Variants in SYNE2 observed in about 807,000 individuals in gnomAD.
SYNE2 encodes spectrin repeat containing nuclear envelope protein 2, also known as nesprin-2.
In SYNE2, 431 loss-of-function variants were observed where a neutral mutation model predicts 856.3. The observed-to-expected ratio is 0.50, with a 90% CI of 0.47 to 0.55. SYNE2 has a LOEUF of 0.55. Among genes scored for constraint, SYNE2 ranks in the 20% least tolerant of loss-of-function variants. The probability of loss-of-function intolerance (pLI) is 0.00; values close to 1 mark genes in which losing one functional copy is unlikely to be tolerated. For synonymous variants in SYNE2, 2,923 were observed against 2,872.3 expected (o/e 1.02, Z -0.56); for missense variants, 8,129 against 8,023.2 (o/e 1.01, Z -0.50).
intron 1 of SYNE2, among the ~76,000 whole-genome samples, chr14:63,863,258 T>C (rs375941710): frequency 2.0e-4 from 30 of 152,226 alleles, no homozygotes; most frequent in African/African-American, 7.2e-4. Context: ...GTGTCTTTTT[T>C]TCAAGGTTCG....
chr14:64,059,396 C>G (rs531491942), intron 49 of SYNE2, among the ~76,000 whole-genome samples: 1 of 152,252 alleles, frequency 6.6e-6, no homozygotes, highest in South Asian at 2.1e-4. Context: ...TACCCCAAGC[C>G]TAATAATGTT....
At chr14:63,953,352 G>A (rs1452486068) in intron 7 of SYNE2, among the ~76,000 whole-genome samples, 2 of 152,188 alleles carry the variant, frequency 1.3e-5, no homozygotes, top group African/African-American at 4.8e-5. Flanking sequence ...CAGTGACTAG[G>A]AGGGTGGCTT....
chr14:63,980,820 AATTAGTTTTATGTGCATG>A, intron 15 of SYNE2, 88 bp downstream of exon 15: 1 of 1,174,684 alleles, frequency 8.5e-7, no homozygotes, highest in Non-Finnish European at 1.2e-6. Context: ...ATGTTTTAGA[AATTAGTTTTATGTGCATG>A]TTTTCCTGGG....
At chr14:64,006,367 TCTC>T (rs59568607) in intron 30 of SYNE2, among the ~76,000 whole-genome samples, 57,772 of 151,670 alleles carry the variant, frequency 0.38, 11,180 homozygotes, top group African/African-American at 0.43. Flanking sequence ...CTTCTCCTCT[TCTC>T]CTATATCATG....
At chr14:63,971,760 C>T (rs2096480803) in intron 11 of SYNE2, among the ~76,000 whole-genome samples, 1 of 152,068 alleles carries the variant, frequency 6.6e-6, no homozygotes, top group Non-Finnish European at 1.5e-5. Context: ...CAATACAGGG[C>T]TGTGAGTGAC....
chr14:64,123,891 C>CTT (rs751630524), intron 70 of SYNE2, among the ~76,000 whole-genome samples: 102 of 140,480 alleles, frequency 7.3e-4, no homozygotes, highest in African/African-American at 2.2e-3. Context: ...CACACACCAC[C>CTT]TTTTTTTTTT....
chr14:63,933,887 A>G (rs2095796915), intron 2 of SYNE2, among the ~76,000 whole-genome samples: 1 of 152,206 alleles, frequency 6.6e-6, no homozygotes, highest in Admixed American at 6.5e-5. Context: ...TTTGAAAAGA[A>G]CAAAAGGTTC....
intron 57 of SYNE2, chr14:64,084,796 T>G: frequency 1.7e-6 from 1 of 584,498 alleles, no homozygotes; most frequent in South Asian, 2.1e-5. Flanking sequence ...TGGGCATGGC[T>G]TAGCTAAGTA....
At chr14:63,849,967 C>G (rs1458744829), upstream of SYNE2, among the ~76,000 whole-genome samples, 1 of 152,038 alleles carries the variant, frequency 6.6e-6, no homozygotes, top group East Asian at 1.9e-4. Context: ...AAAACTTATG[C>G]TTATTGCAAT....
At chr14:63,815,146 ACACATATATATCCATATATATC>A (rs71120291) in intron 1 of SYNE2, among the ~76,000 whole-genome samples, 18,045 of 54,300 alleles carry the variant, frequency 0.33, 3,366 homozygotes, top group South Asian at 0.46. Flanking sequence ...CCATATATAT[ACACATATATATCCATATATATC>A]CACATATATA....
chr14:63,972,762 C>T (rs987962115), intron 11 of SYNE2, among the ~76,000 whole-genome samples: 1 of 152,074 alleles, frequency 6.6e-6, no homozygotes. Context: ...GTGTAGCCCT[C>T]AGTCGGAAAA....
At chr14:63,959,287 C>CTTTTTTTTTTTTTTTTTTTTTTTT (rs34198434) in intron 8 of SYNE2, among the ~76,000 whole-genome samples, 8 of 81,378 alleles carry the variant, frequency 9.8e-5, no homozygotes, top group African/African-American at 1.6e-4. Context: ...TTTTCTTCTT[C>CTTTTTTTTTTTTTTTTTTTTTTTT]TTTTTTTTTT....
At chr14:64,190,568 C>CTGTGGGG in intron 99 of SYNE2, 1 of 700,362 alleles carries the variant, frequency 1.4e-6, no homozygotes, top group Non-Finnish European at 2.6e-6. Context: ...TGTGTGTCCC[C>CTGTGGGG]ACAGTGGAGC....
Position 64,078,537 on chromosome 14 carries a change from G to A in SYNE2, c.11094G>A (p.Gly3698=). ...GAAAAATAGAAGAAATTAACAATGG[G>A]CTTCATAATGTTGAAAAGATGTTGC... The part of the protein sequence containing the change: ...MRRKIEEINN[G]LHNVEKMLQQ... The change falls in exon 55 of 116, where the codon GGG becomes GGA. Residue 3698 remains glycine (G), a synonymous_variant. Coordinates refer to ENST00000555002, the MANE Select transcript of SYNE2 (RefSeq NM_182914.3). The A allele has an allele frequency of 3.7e-6, 6 of 1,614,090 alleles. No individual in the cohort carries two copies. The highest frequency in any genetic ancestry group is 1.3e-5 in the African/African-American group (1 of 75,054).
chr14:64,218,375 A>C (rs1479292691), intron 108 of SYNE2, 23 bp from the exon 109 acceptor site: 1 of 1,604,840 alleles, frequency 6.2e-7, no homozygotes, highest in South Asian at 1.1e-5. Flanking sequence ...ACAGATGGTA[A>C]CTTAAAAACT....
intron 1 of SYNE2, among the ~76,000 whole-genome samples, chr14:63,811,688 GAAAA>G (rs1309824962): frequency 6.6e-6 from 1 of 152,120 alleles, no homozygotes; most frequent in Non-Finnish European, 1.5e-5. Context: ...GGCTGGCTGA[GAAAA>G]AGAAAGAGTA....
rs2096933483 is a variant in SYNE2, at chr14:64,021,206, C to G, written c.5152-109C>G. 12 of 843,856 alleles carry G rather than the reference C, an allele frequency of 1.4e-5. No individual in the cohort carries two copies. The South Asian group carries it at 1.7e-4, about 12-fold the overall frequency. 52.3% of individuals were successfully genotyped at this position (843,856 alleles called of 1,614,324 possible). A position where few individuals can be genotyped will look rare whatever the true frequency, so the allele number is the denominator to read the frequency against. ...AAAACGTAGAGCAATGAAAAGAATG[C>G]ATTTCACATTGAAATGAAGTAATCT... is the stretch of plus-strand genomic sequence containing the variant. On this transcript the variant is annotated intron_variant, in intron 35 of 115. Coordinates refer to ENST00000555002, the MANE Select transcript of SYNE2 (RefSeq NM_182914.3).
rs560500754 is a variant in SYNE2, at chr14:64,167,120, C to A, written c.16606-113C>A. The A allele has an allele frequency of 1.6e-5, 21 of 1,348,962 alleles. 1 individual carries two copies. In the East Asian group the frequency reaches 4.5e-4, roughly 29 times the overall value. 83.6% of individuals were successfully genotyped at this position (1,348,962 alleles called of 1,614,324 possible). On this transcript the variant is annotated intron_variant, in intron 90 of 115. Transcript: ENST00000555002. ...GCAAGCTGTTTGACTGTGGGCAAGT[C>A]ATTTGCCTGTTCAGGCCCCAGTTTT...
At chr14:64,000,393 C>T (rs1267529070) in intron 27 of SYNE2, among the ~76,000 whole-genome samples, 169 bp from the exon 28 acceptor site, 2 of 152,154 alleles carry the variant, frequency 1.3e-5, no homozygotes, top group African/African-American at 2.4e-5. Context: ...TGTCCTTGTT[C>T]CCTAAAGGAT....
Sources: gnomAD v4.1 joint callset for allele counts (sites outside exome capture counted in the v4.1 genomes callset) on GRCh38, gnomAD v4.1.1 for gene constraint, MANE v1.5 for transcripts, NCBI Gene and HGNC (gene_info 2026-07-23, HGNC 2026-07-21) for gene names.